RAPGEF6: variants seen among roughly 807,000 people sequenced by gnomAD.
RAPGEF6 encodes Rap guanine nucleotide exchange factor 6.
Under a neutral mutation model 171.4 loss-of-function variants are expected in RAPGEF6, and 56 were observed. The ratio of observed to expected loss-of-function variants is 0.33; its 90% CI spans 0.26 to 0.41. The LOEUF is 0.41. RAPGEF6 is among the 10% of genes least tolerant of loss of function. The pLI is 1.00. For missense variants in RAPGEF6, 1,674 were observed against 1,921.4 expected, an observed-to-expected ratio of 0.87 and a Z score of 2.41; for synonymous variants, 692 against 650.1, an observed-to-expected ratio of 1.06 and a Z score of -0.98.
At chr5:131,506,941 G>C (rs1267425484) in intron 9 of RAPGEF6, among the ~76,000 whole-genome samples, 2 of 151,208 alleles carry the variant, frequency 1.3e-5, no homozygotes, top group Non-Finnish European at 2.9e-5. Flanking sequence ...TCAAACTTTT[G>C]GGGGGAGTCC....
At chr5:131,633,330 G>A (rs1256528203) in intron 1 of RAPGEF6, among the ~76,000 whole-genome samples, 4 of 151,076 alleles carry the variant, frequency 2.6e-5, no homozygotes, top group South Asian at 2.1e-4. Context: ...GGGAGACTTT[G>A]TCTCAAAAAA....
chr5:131,528,685 T>C (rs1475607971), intron 6 of RAPGEF6, among the ~76,000 whole-genome samples: 1 of 152,082 alleles, frequency 6.6e-6, no homozygotes, highest in East Asian at 1.9e-4. Flanking sequence ...AGTAAATTAC[T>C]ACAATTTAGG....
At chr5:131,483,211 C>G (rs981810339) in intron 15 of RAPGEF6, among the ~76,000 whole-genome samples, 2 of 151,634 alleles carry the variant, frequency 1.3e-5, no homozygotes, top group East Asian at 3.9e-4. Flanking sequence ...GAGCGGGGCA[C>G]GGTGGCGCAT....
intron 1 of RAPGEF6, among the ~76,000 whole-genome samples, chr5:131,610,708 G>T (rs1037470152): frequency 7.2e-5 from 11 of 152,066 alleles, no homozygotes; most frequent in African/African-American, 2.7e-4. Flanking sequence ...GCAACCCCGA[G>T]ATCAACCATA....
intron 15 of RAPGEF6, among the ~76,000 whole-genome samples, chr5:131,480,039 A>G (rs1486646864): frequency 6.6e-6 from 1 of 152,242 alleles, no homozygotes; most frequent in African/African-American, 2.4e-5. Flanking sequence ...AGTTTGAAAA[A>G]AAACAGAGGT....
intron 15 of RAPGEF6, among the ~76,000 whole-genome samples, chr5:131,485,186 T>A (rs1755800644): frequency 6.6e-6 from 1 of 152,056 alleles, no homozygotes; most frequent in Non-Finnish European, 1.5e-5. Flanking sequence ...CTCAGCCTCC[T>A]AAATTGCTAG....
At chr5:131,576,254 C>T (rs927773518) in intron 4 of RAPGEF6, among the ~76,000 whole-genome samples, 15 of 152,266 alleles carry the variant, frequency 9.9e-5, no homozygotes, top group African/African-American at 3.1e-4. Flanking sequence ...CGTTAGTCAT[C>T]GGCAAGGGCA....
intron 7 of RAPGEF6, among the ~76,000 whole-genome samples, chr5:131,519,975 T>C (rs139563094): frequency 2.6e-5 from 4 of 152,290 alleles, no homozygotes; most frequent in Non-Finnish European, 4.4e-5. Flanking sequence ...TTCTCTCTAC[T>C]ATAAAATGGA....
intron 3 of RAPGEF6, 137 bp downstream of exon 3, chr5:131,603,134 G>C: frequency 1.5e-6 from 1 of 677,088 alleles, no homozygotes; most frequent in South Asian, 1.9e-5. Context: ...TTCTATGTAT[G>C]TTATATACTT....
At chr5:131,547,417 T>A (rs532372104) in intron 6 of RAPGEF6, among the ~76,000 whole-genome samples, 2 of 152,132 alleles carry the variant, frequency 1.3e-5, no homozygotes, top group Admixed American at 6.6e-5. Flanking sequence ...ATACACCTGA[T>A]TTTTTTAGAT....
In RAPGEF6 at chr5:131,456,130, A is replaced by C. The variant is rs2149827965; in HGVS notation, c.2865-118T>G. Reference sequence around the variant, plus strand: ...AAAATAAGCAGGGACATATTTTAACACATTGAAATAAACAAGAGAAAAACT... The same window carrying C: ...AAAATAAGCAGGGACATATTTTAACCCATTGAAATAAACAAGAGAAAAACT... On this transcript the variant is annotated intron_variant, in intron 19 of 27. Coordinates refer to ENST00000509018, the MANE Select transcript of RAPGEF6 (RefSeq NM_016340.6). 4.5e-6 allele frequency: 3 copies of C among 662,444 alleles called. No homozygotes were observed. The East Asian group carries it at 8.1e-5, about 18-fold the overall frequency. 41.0% of individuals were successfully genotyped at this position (662,444 alleles called of 1,614,324 possible).
intron 1 of RAPGEF6, among the ~76,000 whole-genome samples, chr5:131,604,988 C>CA (rs751552244): frequency 6.6e-6 from 1 of 152,130 alleles, no homozygotes; most frequent in Non-Finnish European, 1.5e-5. Flanking sequence ...CACTTCTAAG[C>CA]AGATGTAAAC....
At chr5:131,609,062 A>G (rs1764786206) in intron 1 of RAPGEF6, among the ~76,000 whole-genome samples, 2 of 152,202 alleles carry the variant, frequency 1.3e-5, no homozygotes, top group Admixed American at 1.3e-4. Flanking sequence ...TGCTGAGATT[A>G]CAGGCGTGAG....
intron 4 of RAPGEF6, among the ~76,000 whole-genome samples, chr5:131,584,823 A>C (rs1209309380): frequency 1.3e-5 from 2 of 152,218 alleles, no homozygotes; most frequent in African/African-American, 4.8e-5. Context: ...GATGAATTTG[A>C]GTAATAACTC....
At chr5:131,595,159 G>T (rs553270735) in intron 3 of RAPGEF6, among the ~76,000 whole-genome samples, 2 of 152,122 alleles carry the variant, frequency 1.3e-5, no homozygotes, top group Non-Finnish European at 1.5e-5. Context: ...ATGTGTCAGG[G>T]GAGGGACCTG....
chr5:131,536,324 A>G (rs1461846869), intron 6 of RAPGEF6, among the ~76,000 whole-genome samples: 1 of 152,184 alleles, frequency 6.6e-6, no homozygotes, highest in Non-Finnish European at 1.5e-5. Flanking sequence ...TTTAACATGA[A>G]CATCTGAAAT....
intron 5 of RAPGEF6, among the ~76,000 whole-genome samples, chr5:131,551,653 T>C (rs1760936047): frequency 2.0e-5 from 3 of 152,178 alleles, no homozygotes; most frequent in Non-Finnish European, 1.5e-5. Flanking sequence ...AGTCCAATAT[T>C]ACATGATTCT....
chr5:131,448,760 G>A (rs371079117), intron 21 of RAPGEF6, among the ~76,000 whole-genome samples: 1 of 152,110 alleles, frequency 6.6e-6, no homozygotes, highest in East Asian at 1.9e-4. Flanking sequence ...TAACCCTAAA[G>A]CTGAATGAAC....
intron 1 of RAPGEF6, among the ~76,000 whole-genome samples, chr5:131,633,761 A>C (rs531584691): frequency 3.0e-4 from 45 of 152,346 alleles, no homozygotes; most frequent in African/African-American, 1.0e-3. Context: ...AAATTAAATT[A>C]AATTGAAACC....
Sources: allele counts gnomAD v4.1 joint callset (sites outside exome capture counted in the v4.1 genomes callset), GRCh38; gene constraint gnomAD v4.1.1; transcripts MANE v1.5; gene names NCBI Gene and HGNC (gene_info 2026-07-23, HGNC 2026-07-21).